The following MAPK10 variants were observed in gnomAD, a reference collection of about 807,000 sequenced individuals.
The protein encoded by MAPK10 is JNK3 alpha protein kinase.
Under a neutral mutation model 59.3 loss-of-function variants are expected in MAPK10, and 25 were observed. That is an observed-to-expected ratio of 0.42 (90% CI 0.31 to 0.59). The LOEUF (loss-of-function observed/expected upper bound fraction) is 0.59, where lower values mean the gene tolerates loss of function less well. Among genes scored for constraint, MAPK10 ranks in the 20% least tolerant of loss-of-function variants. MAPK10 has a pLI of 0.15. For synonymous variants in MAPK10, 190 were observed against 200.5 expected, an observed-to-expected ratio of 0.95 and a Z score of 0.44; for missense variants, 351 against 568.9, an observed-to-expected ratio of 0.62 and a Z score of 3.90.
chr4:86,297,441 C>T (rs945758910), intron 2 of MAPK10, among the ~76,000 whole-genome samples: 6 of 152,106 alleles, frequency 3.9e-5, no homozygotes, highest in Non-Finnish European at 7.4e-5. Context: ...TCCCGAGTAG[C>T]TGCTGGGATT....
chr4:86,052,575 G>T (rs912065463), intron 11 of MAPK10, among the ~76,000 whole-genome samples: 1 of 152,110 alleles, frequency 6.6e-6, no homozygotes, highest in Admixed American at 6.6e-5. Flanking sequence ...GAGCTCCTAA[G>T]AGCAGAGAAA....
intron 4 of MAPK10, among the ~76,000 whole-genome samples, chr4:86,107,827 A>G (rs1404919685): frequency 6.6e-6 from 1 of 152,078 alleles, no homozygotes; most frequent in Non-Finnish European, 1.5e-5. Flanking sequence ...TTTTAAATGA[A>G]CATTTTCTAT....
chr4:86,256,731 T>C lies in MAPK10; in HGVS notation c.-6-62324A>G, dbSNP rs56835986. On this transcript the variant is annotated intron_variant, in intron 2 of 13. Coordinates refer to ENST00000641462, the MANE Select transcript of MAPK10 (RefSeq NM_138982.4). ...ATACTCCATTTTTTTCTTTTCTTTC[T>C]TTCTTTTTTTTTTTTTTTTTTTTTT... is the stretch of plus-strand genomic sequence containing the variant. Among the ~76,000 whole-genome samples, 10 of 78,624 alleles carry C rather than the reference T, an allele frequency of 1.3e-4. No individual in the cohort carries two copies. In the East Asian group the frequency reaches 1.6e-3, roughly 13 times the overall value. The allele number at this position is 78,624 out of a possible 152,430, so 51.6% of individuals were successfully genotyped here.
In MAPK10 at chr4:86,354,876, T is replaced by C. The variant is rs1448154370; in HGVS notation, c.-121-232A>G. 3.9e-5 allele frequency among the ~76,000 whole-genome samples: 6 copies of C among 152,298 alleles called. No homozygotes were observed. In the South Asian group the frequency reaches 1.2e-3, roughly 32 times the overall value. ...AATATCTGAGCATAAACTAAATTAG[T>C]AATTCTTATTTCAGTTAATATAATT... On this transcript the variant is annotated intron_variant, in intron 1 of 13. Transcript: ENST00000641462.
At chr4:86,019,761 A>T (rs766569629) in intron 13 of MAPK10, among the ~76,000 whole-genome samples, 1 of 152,230 alleles carries the variant, frequency 6.6e-6, no homozygotes, top group Non-Finnish European at 1.5e-5. Context: ...ACAGGACTCT[A>T]TTATAAAGGC....
chr4:86,512,334 G>A (rs547882986), intron 1 of MAPK10, among the ~76,000 whole-genome samples: 12 of 152,220 alleles, frequency 7.9e-5, no homozygotes, highest in African/African-American at 2.9e-4. Flanking sequence ...GAATACAATT[G>A]GAAGCATTGG....
At chr4:86,145,424 G>C (rs929738334) in intron 4 of MAPK10, among the ~76,000 whole-genome samples, 7 of 150,790 alleles carry the variant, frequency 4.6e-5, no homozygotes, top group Non-Finnish European at 8.9e-5. Context: ...AATTAGTGAT[G>C]AAATATTATA....
At chr4:86,593,916 T>C (rs571389324) in exon 1 of MAPK10, 2 of 152,362 alleles carry the variant, frequency 1.3e-5, no homozygotes, top group East Asian at 3.9e-4. Flanking sequence ...TTACGCATTT[T>C]TCACTCTCCT....
intron 1 of MAPK10, among the ~76,000 whole-genome samples, chr4:86,458,556 G>A (rs1053061836): frequency 6.6e-6 from 1 of 152,084 alleles, no homozygotes; most frequent in African/African-American, 2.4e-5. Flanking sequence ...CATGGTGCTG[G>A]TATAAATATA....
At chr4:86,416,939 A>G (rs1201356165) in intron 1 of MAPK10, among the ~76,000 whole-genome samples, 1 of 152,184 alleles carries the variant, frequency 6.6e-6, no homozygotes, top group Admixed American at 6.6e-5. Context: ...ATTGTCACAT[A>G]GGTGGGTTAT....
At chr4:86,381,890 A>G (rs1308614477) in intron 1 of MAPK10, among the ~76,000 whole-genome samples, 1 of 152,182 alleles carries the variant, frequency 6.6e-6, no homozygotes, top group African/African-American at 2.4e-5. Flanking sequence ...GAGGGGGCAC[A>G]TTCAGGCAAG....
intron 9 of MAPK10, chr4:86,095,132 T>C (rs910380816): frequency 2.0e-5 from 3 of 151,822 alleles, no homozygotes; most frequent in African/African-American, 2.4e-5. Context: ...AAAGCAAATA[T>C]GTATTGTTTA....
At chr4:86,149,747 A>G (rs2065930957) in intron 4 of MAPK10, among the ~76,000 whole-genome samples, 1 of 152,216 alleles carries the variant, frequency 6.6e-6, no homozygotes, top group Admixed American at 6.5e-5. Flanking sequence ...TTTAACAGCA[A>G]TTCTGTGCAT....
intron 2 of MAPK10, among the ~76,000 whole-genome samples, chr4:86,251,828 C>G (rs1172802857): frequency 7.2e-6 from 1 of 139,388 alleles, no homozygotes; most frequent in Admixed American, 7.0e-5. Context: ...CACATCCTCT[C>G]CAGCACCTGT....
chr4:86,252,053 T>C (rs1311957620), intron 2 of MAPK10, among the ~76,000 whole-genome samples: 1 of 119,370 alleles, frequency 8.4e-6, no homozygotes, highest in Non-Finnish European at 1.6e-5. Context: ...TTTGAGTTCA[T>C]TGTAGCTTCT....
rs1313072574 is a variant in MAPK10 at position 86,485,749 on chromosome 4, T to C, written c.-263+108161A>G. On this transcript the variant is annotated intron_variant, in intron 1 of 4. Transcript: ENST00000502302. The stretch of plus-strand genomic sequence containing the variant: ...GAGATAAGGTCTGTAAAGAGATAAT[T>C]ACAGTTACACAGGCCTCAAGGGAAG... Among the ~76,000 whole-genome samples the C allele has an allele frequency of 2.0e-5, 3 of 152,188 alleles. No homozygotes were observed. The East Asian group carries it at 5.8e-4, about 29-fold the overall frequency.
chr4:86,461,566 T>G (rs922693043), intron 1 of MAPK10, among the ~76,000 whole-genome samples: 2 of 152,094 alleles, frequency 1.3e-5, no homozygotes, highest in Non-Finnish European at 2.9e-5. Flanking sequence ...AGGGTAACAA[T>G]GGGACAACTG....
At position 86,564,219 on chromosome 4, in the gene MAPK10, C is replaced by G. The variant is rs193280313; in HGVS notation, c.-263+29691G>C. Among the ~76,000 whole-genome samples the G allele has an allele frequency of 1.3e-3, 198 of 152,220 alleles. No individual in the cohort carries two copies. The Middle Eastern group carries it at 0.014, about 11-fold the overall frequency. On this transcript the variant is annotated intron_variant, in intron 1 of 4. Transcript: ENST00000502302. ...CATGGGTAATTAAAACTGTGGAAAGCAAAACTATTGATAAGAGGGGCTACT... is the reference window on the plus strand; with the variant it reads ...CATGGGTAATTAAAACTGTGGAAAGGAAAACTATTGATAAGAGGGGCTACT...
intron 2 of MAPK10, among the ~76,000 whole-genome samples, chr4:86,197,405 A>AT (rs1180776136): frequency 2.0e-5 from 3 of 152,120 alleles, no homozygotes; most frequent in Non-Finnish European, 4.4e-5. Flanking sequence ...TTGCACATTA[A>AT]TTTTGCATCC....
Sources: allele counts gnomAD v4.1 joint callset (sites outside exome capture counted in the v4.1 genomes callset), GRCh38; gene constraint gnomAD v4.1.1; transcripts MANE v1.5; gene names NCBI Gene and HGNC (gene_info 2026-07-23, HGNC 2026-07-21).